The following CDH6 variants were observed in gnomAD, a reference collection of about 807,000 sequenced individuals.
CDH6 encodes cadherin 6.
Under a neutral mutation model 78.0 loss-of-function variants are expected in CDH6, and 31 were observed. The ratio of observed to expected loss-of-function variants is 0.40; its 90% CI spans 0.30 to 0.54. CDH6 has a LOEUF of 0.54. CDH6 is among the 20% of genes least tolerant of loss of function. The pLI is 0.56. For synonymous variants in CDH6, 376 were observed against 368.8 expected, an observed-to-expected ratio of 1.02 and a Z score of -0.23; for missense variants, 724 against 975.9, an observed-to-expected ratio of 0.74 and a Z score of 3.44.
intron 1 of CDH6, among the ~76,000 whole-genome samples, chr5:31,199,679 G>GTATATATA (rs1561193626): frequency 5.8e-5 from 4 of 69,438 alleles, no homozygotes; most frequent in African/African-American, 2.1e-4. Flanking sequence ...ATGTGTGTGT[G>GTATATATA]TGTGTGTATA....
chr5:31,283,711 T>TG (rs35313714), intron 2 of CDH6, among the ~76,000 whole-genome samples: 44,082 of 151,892 alleles, frequency 0.29, 7,094 homozygotes, highest in Admixed American at 0.37. Context: ...AATACAAATA[T>TG]GGGGGGTCAT....
chr5:31,238,303 C>T (rs887637672), intron 1 of CDH6, among the ~76,000 whole-genome samples: 1 of 152,150 alleles, frequency 6.6e-6, no homozygotes, highest in Non-Finnish European at 1.5e-5. Flanking sequence ...GAATAATGCC[C>T]TGTGCTCTCT....
intron 1 of CDH6, among the ~76,000 whole-genome samples, chr5:31,265,775 T>TTG (rs1554007060): frequency 7.5e-6 from 1 of 133,174 alleles, no homozygotes; most frequent in Non-Finnish European, 1.6e-5. Context: ...CAATGTTTTT[T>TTG]TTTTTTTTTT....
At chr5:31,238,021 C>T (rs1356659394) in intron 1 of CDH6, among the ~76,000 whole-genome samples, 1 of 152,192 alleles carries the variant, frequency 6.6e-6, no homozygotes, top group Non-Finnish European at 1.5e-5. Flanking sequence ...TAATTCCTTT[C>T]TCTTCCTTTG....
At chr5:31,226,913 T>C (rs1741168190) in intron 1 of CDH6, among the ~76,000 whole-genome samples, 2 of 152,298 alleles carry the variant, frequency 1.3e-5, no homozygotes, top group East Asian at 1.9e-4. Flanking sequence ...GTATGTTGTG[T>C]TTCTCAGAAT....
At chr5:31,308,440 A>G (rs1361560221) in intron 7 of CDH6, among the ~76,000 whole-genome samples, 5 of 151,952 alleles carry the variant, frequency 3.3e-5, no homozygotes, top group Non-Finnish European at 5.9e-5. Flanking sequence ...CTGAAAAAAA[A>G]AAAAAAGAGC....
Position 31,214,140 on chromosome 5 carries a change from TA to T in CDH6, c.-129+20272del, listed in dbSNP as rs397809617. Reference sequence around the variant, plus strand: ...GGTGCACGGAAAGGAATCTGTGCCTTAAAAAAAAAAAAAAAAAACAGGCAGC... The same window carrying T: ...GGTGCACGGAAAGGAATCTGTGCCTTAAAAAAAAAAAAAAAAACAGGCAGC... On this transcript the variant is annotated intron_variant, in intron 1 of 11. Coordinates refer to ENST00000265071, the MANE Select transcript of CDH6 (RefSeq NM_004932.4). Among the ~76,000 whole-genome samples, 758 of 129,960 alleles carry T rather than the reference TA, an allele frequency of 5.8e-3. 7 individuals are homozygous for T. Among genetic ancestry groups the T allele is most frequent in the African/African-American group, 0.015 (534 of 34,568 alleles). The allele number at this position is 129,960 out of a possible 152,430, so 85.3% of individuals were successfully genotyped here.
At chr5:31,289,764 C>T (rs531181466) in intron 2 of CDH6, among the ~76,000 whole-genome samples, 56 of 152,102 alleles carry the variant, frequency 3.7e-4, no homozygotes, top group African/African-American at 8.9e-4. Flanking sequence ...GCTTCATAGA[C>T]GACTAAAAAT....
At chr5:31,201,948 T>C (rs1258234384) in intron 1 of CDH6, among the ~76,000 whole-genome samples, 1 of 152,188 alleles carries the variant, frequency 6.6e-6, no homozygotes, top group Non-Finnish European at 1.5e-5. Flanking sequence ...AAAATATGCT[T>C]TGCCAAGCTC....
intron 1 of CDH6, among the ~76,000 whole-genome samples, chr5:31,214,593 T>C (rs898832366): frequency 2.0e-5 from 3 of 152,152 alleles, no homozygotes; most frequent in Non-Finnish European, 4.4e-5. Flanking sequence ...AGAAATCACA[T>C]TGGAAGAAAA....
intron 1 of CDH6, among the ~76,000 whole-genome samples, chr5:31,255,694 ATAGT>A (rs1561044868): frequency 6.6e-6 from 1 of 152,328 alleles, no homozygotes; most frequent in Admixed American, 6.5e-5. Context: ...TGTCTTATTA[ATAGT>A]TAGTCTCAGG....
chr5:31,244,774 A>G (rs1327043667), intron 1 of CDH6, among the ~76,000 whole-genome samples: 3 of 152,176 alleles, frequency 2.0e-5, no homozygotes, highest in African/African-American at 7.2e-5. Flanking sequence ...GGACCTAGGA[A>G]AGCAGCCCCA....
At chr5:31,207,597 G>GA (rs1740566901) in intron 1 of CDH6, among the ~76,000 whole-genome samples, 1 of 152,144 alleles carries the variant, frequency 6.6e-6, no homozygotes, top group Admixed American at 6.5e-5. Flanking sequence ...GTAAACATCT[G>GA]GAAAACAAAG....
intron 7 of CDH6, among the ~76,000 whole-genome samples, chr5:31,307,015 G>C (rs1579905282): frequency 6.6e-6 from 1 of 152,080 alleles, no homozygotes; most frequent in Admixed American, 6.5e-5. Flanking sequence ...ACCAGAGCTT[G>C]CTTGACAGTT....
At chr5:31,290,029 G>A (rs1445671237) in intron 2 of CDH6, among the ~76,000 whole-genome samples, 1 of 152,082 alleles carries the variant, frequency 6.6e-6, no homozygotes, top group African/African-American at 2.4e-5. Flanking sequence ...GCCCAAGGCG[G>A]ACAGATCACT....
Position 31,323,216 on chromosome 5 carries a change from G to A in CDH6, c.2281G>A (p.Asp761Asn). 6.2e-7 allele frequency: 1 copy of A among 1,614,208 alleles called. No homozygotes were observed. Among genetic ancestry groups the A allele is most frequent in the South Asian group, 1.1e-5 (1 of 91,084 alleles). ...GCTGGAGTCAGTGACCACGGATGCAGATCAAGACTATGATTACCTTAGTGA... is the reference window on the plus strand; with the variant it reads ...GCTGGAGTCAGTGACCACGGATGCAAATCAAGACTATGATTACCTTAGTGA... ...SSLESVTTDADQDYDYLSDWG... is the reference protein window; with the variant it reads ...SSLESVTTDANQDYDYLSDWG... The change falls in exon 12 of 12, where the codon GAT becomes AAT. Residue 761 changes from aspartate (D) to asparagine (N), a missense_variant. By Grantham distance (23) the Asp-to-Asn change is conservative. Around this residue, in one of 3 missense-constraint regions of CDH6, gnomAD observed 220 missense variants for 240.6 expected, o/e 0.91. Coordinates refer to ENST00000265071, the MANE Select transcript of CDH6 (RefSeq NM_004932.4).
In CDH6 at chr5:31,328,697, A is replaced by G. The variant is rs2149964730; in HGVS notation, c.*5389A>G. On this transcript the variant is annotated 3_prime_UTR_variant, in exon 12 of 12. Transcript: ENST00000265071. ...GTATTGATTGTTTTTAATTAAAAAT[A>G]CTTCCAAGTATAAATTGAAACGGAT... 4.7e-6 allele frequency: 1 copy of G among 212,034 alleles called. No homozygotes were observed. Among genetic ancestry groups the G allele is most frequent in the East Asian group, 7.1e-5 (1 of 14,178 alleles). The allele number at this position is 212,034 out of a possible 1,614,324, so 13.1% of individuals were successfully genotyped here.
intron 1 of CDH6, 37 bp downstream of exon 1, chr5:31,193,923 CTTTTT>C (rs879061067): frequency 2.1e-5 from 3 of 145,138 alleles, no homozygotes; most frequent in Non-Finnish European, 4.6e-5. Flanking sequence ...ATACATCTCC[CTTTTT>C]TTTTTTTTAA....
chr5:31,302,954 A>AGAAAGAAGGAAG (rs1491181731), intron 6 of CDH6, among the ~76,000 whole-genome samples: 5 of 129,694 alleles, frequency 3.9e-5, no homozygotes, highest in African/African-American at 1.1e-4. Context: ...AAAGAAAGAA[A>AGAAAGAAGGAAG]GAAGGAAAGA....
Sources: gnomAD v4.1 joint callset for allele counts (sites outside exome capture counted in the v4.1 genomes callset) on GRCh38, gnomAD v4.1.1 for gene constraint, gnomAD v4.1.1 regional missense constraint, MANE v1.5 for transcripts, NCBI Gene and HGNC (gene_info 2026-07-23, HGNC 2026-07-21) for gene names.